Variants in SYT2 observed in about 807,000 individuals in gnomAD.
SYT2 encodes the protein synaptotagmin-2.
A neutral mutation model predicts 39.9 loss-of-function variants in SYT2; 15 were observed. That is an observed-to-expected ratio of 0.38 (90% CI 0.25 to 0.58). The LOEUF (loss-of-function observed/expected upper bound fraction) is 0.58. Among genes scored for constraint, SYT2 ranks in the 20% least tolerant of loss-of-function variants. SYT2 has a pLI of 0.70. For missense variants in SYT2, 389 were observed against 530.3 expected, an observed-to-expected ratio of 0.73 and a Z score of 2.62; for synonymous variants, 181 against 204.5, an observed-to-expected ratio of 0.89 and a Z score of 0.98.
intron 1 of SYT2, among the ~76,000 whole-genome samples, chr1:202,653,235 C>A (rs1379221145): frequency 6.6e-6 from 1 of 152,150 alleles, no homozygotes; most frequent in Admixed American, 6.5e-5. Flanking sequence ...CCCCCTGAAC[C>A]GTCCAGCCCA....
At chr1:202,705,092 A>G (rs1160241621) in intron 1 of SYT2, among the ~76,000 whole-genome samples, 4 of 152,268 alleles carry the variant, frequency 2.6e-5, no homozygotes, top group Admixed American at 2.0e-4. Context: ...TGCCATAGGT[A>G]GAGCTGGTGA....
chr1:202,664,978 A>G (rs1023877578), intron 1 of SYT2, among the ~76,000 whole-genome samples: 2 of 152,188 alleles, frequency 1.3e-5, no homozygotes, highest in Non-Finnish European at 2.9e-5. Flanking sequence ...TAATTATTCT[A>G]AGATTCATTC....
intron 1 of SYT2, among the ~76,000 whole-genome samples, chr1:202,658,718 C>G (rs61820924): frequency 0.03 from 4,578 of 151,448 alleles, 193 homozygotes; most frequent in Admixed American, 0.12. Flanking sequence ...CAGGGAAATG[C>G]GCAGCCAAAT....
intron 7 of SYT2, 136 bp downstream of exon 7, chr1:202,600,221 T>TC: frequency 1.4e-6 from 1 of 738,320 alleles, no homozygotes; most frequent in Non-Finnish European, 2.3e-6. Context: ...AAGCTAAGGC[T>TC]CCCCCGCTCC....
chr1:202,660,477 C>T (rs978932014), intron 1 of SYT2, among the ~76,000 whole-genome samples: 3 of 152,142 alleles, frequency 2.0e-5, no homozygotes, highest in Admixed American at 2.0e-4. Flanking sequence ...CACCAAATAG[C>T]TCCCAGACTT....
intron 1 of SYT2, among the ~76,000 whole-genome samples, chr1:202,701,097 T>C (rs1572687816): frequency 6.6e-6 from 1 of 152,380 alleles, no homozygotes. Flanking sequence ...TTCCCACTGA[T>C]CTTATCACAA....
intron 3 of SYT2, among the ~76,000 whole-genome samples, chr1:202,604,073 A>C (rs922344763): frequency 6.6e-6 from 1 of 152,196 alleles, no homozygotes; most frequent in Non-Finnish European, 1.5e-5. Context: ...TTCCCGCCCC[A>C]TGCCCAGTTA....
At position 202,607,891 on chromosome 1, in the gene SYT2, T is replaced by TTA. The variant is rs550182592; in HGVS notation, c.-17-2103_-17-2102insTA. Among the ~76,000 whole-genome samples, 1,105 of 148,294 alleles carry TTA rather than the reference T, an allele frequency of 7.5e-3. 6 individuals are homozygous for TTA. The highest frequency in any genetic ancestry group is 0.011 in the Non-Finnish European group (766 of 67,302). On this transcript the variant is annotated intron_variant, in intron 1 of 8. Coordinates refer to ENST00000367268, the MANE Select transcript of SYT2 (RefSeq NM_177402.5). ...TCAGGGCTCTGTGACCTTTTTTTTT[T>TTA]AAAAAACAGCTTTATTGAGATGTAA...
At chr1:202,664,631 A>T (rs1006879626) in intron 1 of SYT2, among the ~76,000 whole-genome samples, 1 of 152,124 alleles carries the variant, frequency 6.6e-6, no homozygotes, top group Admixed American at 6.5e-5. Context: ...TCATTACAGG[A>T]TGTACTCTTC....
At chr1:202,610,420 G>A (rs1414382244) in intron 1 of SYT2, among the ~76,000 whole-genome samples, 1 of 152,148 alleles carries the variant, frequency 6.6e-6, no homozygotes, top group South Asian at 2.1e-4. Flanking sequence ...CACAAGACAG[G>A]GATGCCCCCT....
At chr1:202,625,370 GGTGT>G (rs1204696485) in intron 1 of SYT2, among the ~76,000 whole-genome samples, 1 of 148,108 alleles carries the variant, frequency 6.8e-6, no homozygotes, top group Non-Finnish European at 1.5e-5. Flanking sequence ...TGTGGTGTGT[GGTGT>G]GTGTGTGTAG....
chr1:202,592,563 C>G lies in SYT2; in HGVS notation c.*4194G>C, dbSNP rs995866672. ...ACATGCATCTTGATTAAACAAGATT[C>G]TGTTCATATGTTTCTAGGTAATTAT... On this transcript the variant is annotated 3_prime_UTR_variant, in exon 9 of 9. Coordinates refer to ENST00000367268, the MANE Select transcript of SYT2 (RefSeq NM_177402.5). 1 of 152,216 alleles carries G rather than the reference C, an allele frequency of 6.6e-6. No individual in the cohort carries two copies. The highest frequency in any genetic ancestry group is 1.5e-5 in the Non-Finnish European group (1 of 68,036). 9.4% of individuals were successfully genotyped at this position (152,216 alleles called of 1,614,324 possible). A position where few individuals can be genotyped will look rare whatever the true frequency, so the allele number is the denominator to read the frequency against.
At chr1:202,669,192 C>T (rs1282289831) in intron 1 of SYT2, among the ~76,000 whole-genome samples, 2 of 152,182 alleles carry the variant, frequency 1.3e-5, no homozygotes, top group South Asian at 2.1e-4. Flanking sequence ...TTAAATTGTG[C>T]ACTAAAATAC....
chr1:202,612,733 A>G (rs1447105337), intron 1 of SYT2, among the ~76,000 whole-genome samples: 2 of 152,108 alleles, frequency 1.3e-5, no homozygotes, highest in Non-Finnish European at 2.9e-5. Context: ...GAATTTTAGG[A>G]CCACCTTGTT....
At chr1:202,686,374 CCTT>C (rs1341569340) in intron 1 of SYT2, among the ~76,000 whole-genome samples, 2 of 152,342 alleles carry the variant, frequency 1.3e-5, no homozygotes, top group East Asian at 3.9e-4. Flanking sequence ...CTTGCTGTCA[CCTT>C]CTTGCCTCAG....
In SYT2 at chr1:202,628,801, A is replaced by G. The variant is rs1378644902; in HGVS notation, c.-17-23012T>C. 3.3e-5 allele frequency among the ~76,000 whole-genome samples: 5 copies of G among 152,240 alleles called. No individual in the cohort carries two copies. Among genetic ancestry groups the G allele is most frequent in the Non-Finnish European group, 5.9e-5 (4 of 68,038 alleles). On this transcript the variant is annotated intron_variant, in intron 1 of 8. Coordinates refer to ENST00000367268, the MANE Select transcript of SYT2 (RefSeq NM_177402.5). This position sits in a 1 kb window ranked among gnomAD's most constrained non-coding sequence, Gnocchi z 4.2. ...ACAGCTCCGCTGAGGAAGAGGAGCC[A>G]AGTGAAACACCAGGTGCTGCCAAGT...
intron 1 of SYT2, chr1:202,632,562 G>T: frequency 1.0e-6 from 1 of 985,304 alleles, no homozygotes; most frequent in Non-Finnish European, 1.2e-6. Context: ...CTGTTCTGTC[G>T]ATGAGAAGAC....
intron 1 of SYT2, among the ~76,000 whole-genome samples, chr1:202,608,882 ATTT>A (rs1156533702): frequency 1.3e-5 from 2 of 152,108 alleles, no homozygotes; most frequent in African/African-American, 4.8e-5. Flanking sequence ...GACAACACTT[ATTT>A]TTTTATTATA....
chr1:202,607,234 C>G (rs1241639688), intron 1 of SYT2, among the ~76,000 whole-genome samples: 1 of 152,188 alleles, frequency 6.6e-6, no homozygotes, highest in Non-Finnish European at 1.5e-5. Context: ...CCCCTTGTGC[C>G]AAGCACACAG....
Sources: gnomAD v4.1 joint callset for allele counts (sites outside exome capture counted in the v4.1 genomes callset) on GRCh38, gnomAD v4.1.1 for gene constraint, Gnocchi (gnomAD v3.1) non-coding constraint, MANE v1.5 for transcripts, NCBI Gene and HGNC (gene_info 2026-07-23, HGNC 2026-07-21) for gene names.